Variants in PIGN observed in about 807,000 individuals in gnomAD.
PIGN encodes GPI ethanolamine phosphate transferase 1.
A neutral mutation model predicts 125.4 loss-of-function variants in PIGN; 117 were observed. The observed-to-expected ratio is 0.93, with a 90% confidence interval of 0.80 to 1.09. The LOEUF is 1.09. Among genes scored for constraint, PIGN ranks in the 50% least tolerant of loss-of-function variants. The probability of loss-of-function intolerance (pLI) is 0.00; values close to 1 mark genes in which losing one functional copy is unlikely to be tolerated. For missense variants in PIGN, 1,075 were observed against 1,094.9 expected (o/e 0.98, Z 0.26); for synonymous variants, 392 against 377.8 (o/e 1.04, Z -0.44).
rs368198964 is a variant in PIGN, at chr18:62,157,757, T to C, written c.273A>G (p.Pro91=). The C allele has an allele frequency of 3.7e-5, 60 of 1,612,560 alleles. No homozygotes were observed. Among genetic ancestry groups the C allele is most frequent in the Non-Finnish European group, 4.7e-5 (56 of 1,179,138 alleles). ...GSWGISHTRV[P]TESRPGHVAL... Reference sequence around the variant, plus strand: ...CTACATGACCTGGCCGAGATTCTGTTGGCACACGTGTATGAGATATGCCCC... The same window carrying C: ...CTACATGACCTGGCCGAGATTCTGTCGGCACACGTGTATGAGATATGCCCC... The change falls in exon 5 of 31, where the codon CCA becomes CCG. Residue 91 remains proline, a synonymous_variant. Transcript: ENST00000640252.
At chr18:62,115,155 T>C (rs1207379776) in intron 14 of PIGN, among the ~76,000 whole-genome samples, 1 of 152,192 alleles carries the variant, frequency 6.6e-6, no homozygotes, top group Non-Finnish European at 1.5e-5. Context: ...TTGCTATTTT[T>C]ATACTATATC....
intron 23 of PIGN, among the ~76,000 whole-genome samples, chr18:62,092,620 G>C (rs923049105): frequency 6.6e-6 from 1 of 151,930 alleles, no homozygotes; most frequent in Non-Finnish European, 1.5e-5. Context: ...TAGAAAAAAA[G>C]ATCCAAAATA....
At chr18:62,049,104 G>T (rs988318092) in intron 30 of PIGN, among the ~76,000 whole-genome samples, 1 of 151,128 alleles carries the variant, frequency 6.6e-6, no homozygotes, top group Non-Finnish European at 1.5e-5. Context: ...GTCTATCATT[G>T]TTGGACATTT....
At chr18:62,056,026 G>A (rs1294871205) in intron 30 of PIGN, among the ~76,000 whole-genome samples, 1 of 138,866 alleles carries the variant, frequency 7.2e-6, no homozygotes, top group East Asian at 2.4e-4. Context: ...ATTTAAGTTG[G>A]TGCAAAAGTA....
In PIGN at chr18:62,161,314, C is replaced by T; in HGVS notation, c.40G>A (p.Val14Met). ...ATGTCAAAGATGGAGGCGAAGAACA[C>T]AAAATGTATAAGCAATCCCAAAGTA... is the stretch of plus-strand genomic sequence containing the variant. ...FFTLGLLIHF[V>M]FFASIFDIYF... The change falls in exon 4 of 31, where the codon GTG becomes ATG. Residue 14 changes from valine (V) to methionine (M), a missense_variant. Coordinates refer to ENST00000640252, the MANE Select transcript of PIGN (RefSeq NM_176787.5). 6.2e-7 allele frequency: 1 copy of T among 1,613,336 alleles called. No homozygotes were observed. The highest frequency in any genetic ancestry group is 8.5e-7 in the Non-Finnish European group (1 of 1,179,580).
At chr18:62,138,396 C>T (rs1417954520) in intron 13 of PIGN, 98 bp from the exon 14 acceptor site, 1 of 1,404,574 alleles carries the variant, frequency 7.1e-7, no homozygotes, top group Admixed American at 3.0e-5. Context: ...GGATGGTTAA[C>T]CACTTTGAAA....
In PIGN at chr18:62,139,026, T is replaced by C; in HGVS notation, c.1073A>G (p.Glu358Gly). ...CTGTACTGCATTTGTAAACATGCTC[T>C]CTGCTTTGAAGAGATCAGTGTTGTT... is the stretch of plus-strand genomic sequence containing the variant. ...YLNNTDLFKA[E>G]SMFTNAVQIL... Residue 358 changes from glutamate to glycine, a missense_variant, in exon 13 of 31, where the codon GAG becomes GGG. Glu to Gly is a moderately conservative substitution (Grantham distance 98). Around this residue, in one of 3 missense-constraint regions of PIGN, gnomAD observed 915 missense variants for 908.7 expected, o/e 1.01. Coordinates refer to ENST00000640252, the MANE Select transcript of PIGN (RefSeq NM_176787.5). 6.2e-7 allele frequency: 1 copy of C among 1,610,084 alleles called. No individual in the cohort carries two copies.
In PIGN at chr18:62,096,225, G is replaced by A. The variant is rs376216860; in HGVS notation, c.2078-275C>T. Among the ~76,000 whole-genome samples the A allele has an allele frequency of 2.6e-4, 39 of 152,116 alleles. 4 individuals are homozygous for A. Among genetic ancestry groups the A allele is most frequent in the South Asian group, 2.5e-3 (12 of 4,808 alleles). The stretch of plus-strand genomic sequence containing the variant: ...TAGGAGAATCGCTTGAACCCGGGAG[G>A]CAGAGGTTGCAGTGAGCCGAGATTG... On this transcript the variant is annotated intron_variant, in intron 22 of 30. Coordinates refer to ENST00000640252, the MANE Select transcript of PIGN (RefSeq NM_176787.5).
chr18:62,165,888 G>C (rs1020844762), intron 1 of PIGN, among the ~76,000 whole-genome samples: 1 of 152,172 alleles, frequency 6.6e-6, no homozygotes, highest in African/African-American at 2.4e-5. Flanking sequence ...CATTAAAGTG[G>C]TTGTTTGAAA....
rs1203489583 is a variant in PIGN at position 62,085,238 on chromosome 18, A to C, written c.2397T>G (p.Phe799Leu). The change falls in exon 26 of 31, where the codon TTT (phenylalanine) becomes TTG (leucine). Residue 799 changes from phenylalanine to leucine, a missense_variant. By Grantham distance (22) the Phe-to-Leu change is conservative. This residue lies in a region of PIGN where 915 missense variants were observed against 908.7 expected (regional missense o/e 1.01). Transcript: ENST00000640252. ...FLVFFLVTAF[F>L]GTGNIASINS... ...TAATAGAAGCTATATTTCCAGTTCC[A>C]AAAAATGCTGTCACTAAGAAGAAAA... The C allele has an allele frequency of 1.3e-6, 2 of 1,542,996 alleles. No homozygotes were observed. The highest frequency in any genetic ancestry group is 1.8e-6 in the Non-Finnish European group (2 of 1,139,734).
chr18:62,179,569 C>A (rs1042554136), intron 1 of PIGN, among the ~76,000 whole-genome samples: 2 of 152,066 alleles, frequency 1.3e-5, no homozygotes, highest in African/African-American at 4.8e-5. Context: ...TGTGGTGAAA[C>A]CCCATCTCTA....
rs759988883 is a variant in PIGN at position 62,161,126 on chromosome 18, T to G, written c.221+7A>C. ...AGAGATGTCTCTGTATCAGTTTACA[T>G]GCTTACCTAATAAACGGTGCTCTAG... On this transcript the variant is annotated splice_region_variant and intron_variant, in intron 4 of 30. Coordinates refer to ENST00000640252, the MANE Select transcript of PIGN (RefSeq NM_176787.5). The G allele has an allele frequency of 6.3e-7, 1 of 1,574,966 alleles. No individual in the cohort carries two copies. The highest frequency in any genetic ancestry group is 1.7e-5 in the Admixed American group (1 of 59,558).
chr18:62,080,798 T>G (rs1244072038), intron 28 of PIGN, among the ~76,000 whole-genome samples: 1 of 152,128 alleles, frequency 6.6e-6, no homozygotes, highest in Non-Finnish European at 1.5e-5. Context: ...AGGACATAAA[T>G]CTCTATTTCT....
chr18:62,101,089 C>G lies in PIGN; in HGVS notation c.2063G>C (p.Ser688Thr). Reference sequence around the variant, plus strand: ...TGGCCTCTTACCTAATGTTGCCCAGCTAATAATTTGATTCATGAGAGGCAG... The same window carrying G: ...TGGCCTCTTACCTAATGTTGCCCAGGTAATAATTTGATTCATGAGAGGCAG... ...QGLPLMNQII[S>T]WATLASSLVV... Residue 688 changes from serine to threonine, a missense_variant, in exon 22 of 31, where the codon AGC (serine) becomes ACC (threonine). This residue lies in a region of PIGN where 915 missense variants were observed against 908.7 expected (regional missense o/e 1.01). Coordinates refer to ENST00000640252, the MANE Select transcript of PIGN (RefSeq NM_176787.5). The G allele has an allele frequency of 1.2e-6, 2 of 1,600,668 alleles. No homozygotes were observed. The highest frequency in any genetic ancestry group is 1.7e-6 in the Non-Finnish European group (2 of 1,168,034).
intron 30 of PIGN, chr18:62,069,800 T>C (rs1260050430): frequency 6.6e-6 from 1 of 152,226 alleles, no homozygotes; most frequent in African/African-American, 2.4e-5. Context: ...CATGTGAATG[T>C]ATACTTAATA....
At chr18:62,022,193 G>A (rs1386582918) in intron 23 of PIGN, among the ~76,000 whole-genome samples, 2 of 152,112 alleles carry the variant, frequency 1.3e-5, no homozygotes, top group Admixed American at 6.5e-5. Context: ...ACTCAAGGTG[G>A]GGGGATCATA....
rs377552386 is a variant in PIGN, at chr18:62,101,168, G to A, written c.1984C>T (p.Leu662Phe). 16 of 1,600,328 alleles carry A rather than the reference G, an allele frequency of 1.0e-5. No homozygotes were observed. The highest frequency in any genetic ancestry group is 8.0e-5 in the African/African-American group (6 of 74,730). Residue 662 changes from leucine to phenylalanine, a missense_variant, in exon 22 of 31, where the codon CTC becomes TTC. Leu to Phe is a conservative substitution (Grantham distance 22). Transcript: ENST00000640252. The stretch of plus-strand genomic sequence containing the variant: ...GTGCTATACACAACATACATGGAGA[G>A]CACTGTGCTCAGCACCTAAAGACAA... ...VHLLQVLSTVLSMYVVYSTQS... is the reference protein window; with the variant it reads ...VHLLQVLSTVFSMYVVYSTQS...
chr18:62,064,863 G>A (rs180881963), intron 30 of PIGN, among the ~76,000 whole-genome samples: 178 of 152,110 alleles, frequency 1.2e-3, no homozygotes, highest in Non-Finnish European at 1.6e-3. Flanking sequence ...AGAGGGAGAG[G>A]AGAGAAGAGA....
intron 26 of PIGN, 79 bp downstream of exon 26, chr18:62,085,130 G>A (rs147484496): frequency 0.022 from 17,597 of 799,504 alleles, 277 homozygotes; most frequent in Admixed American, 0.044. Flanking sequence ...AAATAATAAG[G>A]TACAGAACAA....
Sources: gnomAD v4.1 joint callset for allele counts (sites outside exome capture counted in the v4.1 genomes callset) on GRCh38, gnomAD v4.1.1 for gene constraint, gnomAD v4.1.1 regional missense constraint, MANE v1.5 for transcripts, NCBI Gene and HGNC (gene_info 2026-07-23, HGNC 2026-07-21) for gene names.